Variants in CPNE4 observed in about 807,000 individuals in gnomAD.
CPNE4 encodes copine 4.
In CPNE4, 25 loss-of-function variants were observed where a neutral mutation model predicts 67.9. The observed-to-expected ratio is 0.37, with a 90% confidence interval of 0.27 to 0.51. The LOEUF is 0.51. CPNE4 is among the 20% of genes least tolerant of loss of function. The pLI is 0.93. For missense variants in CPNE4, 464 were observed against 690.8 expected, an observed-to-expected ratio of 0.67 and a Z score of 3.68; for synonymous variants, 242 against 244.9, an observed-to-expected ratio of 0.99 and a Z score of 0.11.
At chr3:131,687,564 T>G (rs2080922911) in intron 5 of CPNE4, among the ~76,000 whole-genome samples, 1 of 152,238 alleles carries the variant, frequency 6.6e-6, no homozygotes, top group Non-Finnish European at 1.5e-5. Flanking sequence ...AAAAGTCATT[T>G]ATTATTCCTA....
intron 1 of CPNE4, among the ~76,000 whole-genome samples, chr3:131,914,953 G>T (rs1029574630): frequency 6.6e-6 from 1 of 152,142 alleles, no homozygotes; most frequent in Non-Finnish European, 1.5e-5. Flanking sequence ...TCCAGCCTAG[G>T]CAACAAGAGT....
intron 2 of CPNE4, among the ~76,000 whole-genome samples, chr3:131,832,872 T>C (rs1348398938): frequency 6.6e-6 from 1 of 152,212 alleles, no homozygotes; most frequent in Non-Finnish European, 1.5e-5. Context: ...ACACAAATTT[T>C]GGAGGACCAG....
intron 9 of CPNE4, among the ~76,000 whole-genome samples, chr3:131,575,742 A>G (rs746207308): frequency 2.5e-4 from 38 of 152,116 alleles, no homozygotes; most frequent in Non-Finnish European, 4.7e-4. Flanking sequence ...CTGTTTATAG[A>G]TGAGGAAATT....
chr3:131,601,846 G>C (rs1299902185), intron 7 of CPNE4, among the ~76,000 whole-genome samples: 1 of 152,118 alleles, frequency 6.6e-6, no homozygotes, highest in Non-Finnish European at 1.5e-5. Flanking sequence ...AATGCCCTAG[G>C]AGATGCGGGG....
At chr3:131,952,633 C>G (rs930859337) in intron 1 of CPNE4, among the ~76,000 whole-genome samples, 8 of 143,374 alleles carry the variant, frequency 5.6e-5, no homozygotes, top group African/African-American at 1.6e-4. Context: ...GGTCAGCCCC[C>G]CTCCCGGCCA....
chr3:131,612,657 T>G (rs1582891327), intron 7 of CPNE4, among the ~76,000 whole-genome samples: 2 of 152,294 alleles, frequency 1.3e-5, no homozygotes, highest in South Asian at 4.1e-4. Flanking sequence ...TCCCTCTTTA[T>G]CCTCTTATCT....
At chr3:131,878,218 C>A (rs1468909133) in intron 2 of CPNE4, among the ~76,000 whole-genome samples, 1 of 152,228 alleles carries the variant, frequency 6.6e-6, no homozygotes, top group Admixed American at 6.5e-5. Context: ...GGAAGCAACC[C>A]CTATGTTCAT....
Position 131,932,987 on chromosome 3 carries a change from C to A in CPNE4, c.-1-27543G>T, listed in dbSNP as rs117137152. Among the ~76,000 whole-genome samples the A allele has an allele frequency of 1.6e-4, 25 of 152,122 alleles. No individual in the cohort carries two copies. The East Asian group carries it at 4.6e-3, about 28-fold the overall frequency. ...AGTGAGCCATGATTGTGCTCCTGGG[C>A]AACAGAGCGAGACTCTATCTCAAAG... On this transcript the variant is annotated intron_variant, in intron 1 of 15. Transcript: ENST00000429747.
intron 1 of CPNE4, among the ~76,000 whole-genome samples, chr3:131,952,087 T>C (rs1485762594): frequency 1.4e-5 from 2 of 147,590 alleles, no homozygotes; most frequent in Admixed American, 6.8e-5. Context: ...GGAGCGTCTC[T>C]GCCCGGCCGC....
chr3:131,942,421 CGTGTGTGTGT>C (rs745460930), intron 1 of CPNE4, among the ~76,000 whole-genome samples: 47 of 89,688 alleles, frequency 5.2e-4, no homozygotes, highest in African/African-American at 7.4e-4. Flanking sequence ...CTAGCTTCCT[CGTGTGTGTGT>C]GTGTGTGTGT....
intron 1 of CPNE4, among the ~76,000 whole-genome samples, chr3:131,906,197 T>C (rs1417709498): frequency 1.4e-5 from 1 of 71,872 alleles, no homozygotes; most frequent in Non-Finnish European, 3.0e-5. Context: ...TTTATTTTAT[T>C]TTTTGTTTTT....
At chr3:132,034,305 T>C (rs1378619448) in intron 1 of CPNE4, among the ~76,000 whole-genome samples, 1 of 152,132 alleles carries the variant, frequency 6.6e-6, no homozygotes. Flanking sequence ...CTCCGCGGTC[T>C]TTCTCCCCAA....
At chr3:132,028,600 C>T (rs1229805682) in intron 1 of CPNE4, among the ~76,000 whole-genome samples, 1 of 152,136 alleles carries the variant, frequency 6.6e-6, no homozygotes, top group Non-Finnish European at 1.5e-5. Context: ...TCACAGTGAA[C>T]CTGTGTTAAG....
chr3:131,611,897 AAGCCCAAGTCACGGTAAATG>A (rs1939863469), intron 7 of CPNE4, among the ~76,000 whole-genome samples: 1 of 152,082 alleles, frequency 6.6e-6, no homozygotes, highest in Admixed American at 6.6e-5. Context: ...CACGACAAAT[AAGCCCAAGTCACGGTAAATG>A]AGCCCAAGTC....
intron 2 of CPNE4, among the ~76,000 whole-genome samples, chr3:131,753,189 A>G (rs992994085): frequency 3.9e-5 from 6 of 151,904 alleles, no homozygotes; most frequent in African/African-American, 1.4e-4. Context: ...TAAATTATGT[A>G]ATAAGTCCTC....
At chr3:131,812,709 G>A (rs2084583806) in intron 2 of CPNE4, among the ~76,000 whole-genome samples, 1 of 152,210 alleles carries the variant, frequency 6.6e-6, no homozygotes, top group Non-Finnish European at 1.5e-5. Context: ...TTACAAGAGA[G>A]TAAGTTACAG....
chr3:131,631,765 G>A (rs1171848063), intron 7 of CPNE4, among the ~76,000 whole-genome samples: 1 of 152,036 alleles, frequency 6.6e-6, no homozygotes, highest in South Asian at 2.1e-4. Context: ...AGGAGGGGTT[G>A]CAGGAGGAGA....
At chr3:131,847,374 A>T (rs2086042952) in intron 2 of CPNE4, among the ~76,000 whole-genome samples, 1 of 152,188 alleles carries the variant, frequency 6.6e-6, no homozygotes, top group African/African-American at 2.4e-5. Context: ...TAGCTAGTGT[A>T]ACTAGTTCTG....
chr3:131,759,073 G>T (rs2082826118), intron 2 of CPNE4, among the ~76,000 whole-genome samples: 1 of 152,126 alleles, frequency 6.6e-6, no homozygotes, highest in Non-Finnish European at 1.5e-5. Context: ...TGGGAATCTT[G>T]CCCAGCCCTA....
Sources: allele counts gnomAD v4.1 joint callset (sites outside exome capture counted in the v4.1 genomes callset), GRCh38; gene constraint gnomAD v4.1.1; transcripts MANE v1.5; gene names NCBI Gene and HGNC (gene_info 2026-07-23, HGNC 2026-07-21).